The following ARHGEF10L variants were observed in gnomAD, a reference collection of about 807,000 sequenced individuals.
The protein encoded by ARHGEF10L is rho guanine nucleotide exchange factor 10-like protein.
Under a neutral mutation model 141.2 loss-of-function variants are expected in ARHGEF10L, and 69 were observed. The ratio of observed to expected loss-of-function variants is 0.49; its 90% confidence interval spans 0.40 to 0.60. The LOEUF (loss-of-function observed/expected upper bound fraction) is 0.60. Ranked by LOEUF, ARHGEF10L falls within the 20% of genes least tolerant of loss-of-function variation. The probability of loss-of-function intolerance (pLI) is 0.00; values close to 1 mark genes in which losing one functional copy is unlikely to be tolerated. For synonymous variants in ARHGEF10L, 711 were observed against 718.5 expected, an observed-to-expected ratio of 0.99 and a Z score of 0.17; for missense variants, 1,482 against 1,734.3, an observed-to-expected ratio of 0.85 and a Z score of 2.58.
chr1:17,635,082 C>A, intron 18 of ARHGEF10L, 66 bp downstream of exon 18: 2 of 1,583,312 alleles, frequency 1.3e-6, no homozygotes, highest in Non-Finnish European at 1.7e-6. Context: ...GCCTGGGCTG[C>A]TCCTACCCAG....
intron 16 of ARHGEF10L, among the ~76,000 whole-genome samples, chr1:17,633,842 G>T (rs1277126800): frequency 6.6e-6 from 1 of 152,190 alleles, no homozygotes; most frequent in Non-Finnish European, 1.5e-5. Context: ...TAGGTTTGGG[G>T]ATTTTCCATG....
At chr1:17,569,531 C>T (rs988932243) in intron 1 of ARHGEF10L, among the ~76,000 whole-genome samples, 8 of 152,174 alleles carry the variant, frequency 5.3e-5, no homozygotes, top group African/African-American at 1.7e-4. Flanking sequence ...CTTTCCTGCC[C>T]AGAGCTCCCT....
intron 21 of ARHGEF10L, among the ~76,000 whole-genome samples, chr1:17,643,556 G>A (rs1224462750): frequency 6.6e-6 from 1 of 152,172 alleles, no homozygotes; most frequent in African/African-American, 2.4e-5. Context: ...GGCAGTAAGG[G>A]GTGGTCCTCA....
At chr1:17,683,172 G>A (rs1307214566) in intron 26 of ARHGEF10L, among the ~76,000 whole-genome samples, 3 of 89,194 alleles carry the variant, frequency 3.4e-5, no homozygotes, top group Non-Finnish European at 6.6e-5. Flanking sequence ...TGCTCTCACC[G>A]TGGTGCTCAC....
rs1031580269 is a variant in ARHGEF10L at position 17,644,344 on chromosome 1, C to T, written c.2272+4042C>T. On this transcript the variant is annotated intron_variant, in intron 21 of 28. Coordinates refer to ENST00000361221, the MANE Select transcript of ARHGEF10L (RefSeq NM_018125.4). This position sits in a 1 kb window ranked among gnomAD's most constrained non-coding sequence, Gnocchi z 4.5. ...AAGTGTGTTCTAGACCTCAGCATGT[C>T]CTTGAACCCTCACTGCTGTCCCACA... Among the ~76,000 whole-genome samples, 1 of 152,252 alleles carries T rather than the reference C, an allele frequency of 6.6e-6. No individual in the cohort carries two copies. Among genetic ancestry groups the T allele is most frequent in the African/African-American group, 2.4e-5 (1 of 41,474 alleles).
chr1:17,681,367 C>A (rs1373728755), intron 26 of ARHGEF10L, among the ~76,000 whole-genome samples: 1 of 152,212 alleles, frequency 6.6e-6, no homozygotes, highest in Non-Finnish European at 1.5e-5. Context: ...CAGGTTTTCC[C>A]AGTTGTCCCC....
At chr1:17,605,758 G>A (rs2081115703) in intron 6 of ARHGEF10L, among the ~76,000 whole-genome samples, 1 of 152,162 alleles carries the variant, frequency 6.6e-6, no homozygotes, top group Admixed American at 6.5e-5. Flanking sequence ...GCGTGGACCT[G>A]CCACATGCTG....
intron 7 of ARHGEF10L, among the ~76,000 whole-genome samples, chr1:17,611,920 C>T (rs145626281): frequency 8.6e-4 from 131 of 151,978 alleles, no homozygotes; most frequent in African/African-American, 2.7e-3. Context: ...TCATATGGTT[C>T]GTGCATTTGA....
chr1:17,539,964 C>G lies in ARHGEF10L; in HGVS notation c.-44+14C>G, dbSNP rs547166629. On this transcript the variant is annotated intron_variant, in intron 1 of 28. Coordinates refer to ENST00000361221, the MANE Select transcript of ARHGEF10L (RefSeq NM_018125.4). The surrounding 1 kb of genome is among the most constrained non-coding windows in gnomAD (Gnocchi z 6.0). ...CGGGCAGCCGAGGTGGGTGAGTGAG[C>G]GCGGGGGCCCTGCCTCCGCGGGATC... 5.3e-5 allele frequency: 8 copies of G among 151,786 alleles called. No homozygotes were observed. The highest frequency in any genetic ancestry group is 1.9e-4 in the African/African-American group (8 of 41,460). The allele number at this position is 151,786 out of a possible 1,614,324, so 9.4% of individuals were successfully genotyped here. A position where few individuals can be genotyped will look rare whatever the true frequency, so the allele number is the denominator to read the frequency against.
intron 10 of ARHGEF10L, among the ~76,000 whole-genome samples, chr1:17,620,866 G>A (rs755308151): frequency 2.6e-5 from 4 of 152,210 alleles, no homozygotes; most frequent in Non-Finnish European, 5.9e-5. Context: ...AGATTTCAAA[G>A]TCCCTGGTAT....
chr1:17,531,846 C>A, the ARHGEF10L span, among the ~76,000 whole-genome samples: 1 of 152,210 alleles, frequency 6.6e-6, no homozygotes, highest in African/African-American at 2.4e-5. Flanking sequence ...TCTTAGAAAG[C>A]GTCTTTCATC....
chr1:17,514,055 C>A, the ARHGEF10L span, among the ~76,000 whole-genome samples: 1 of 150,000 alleles, frequency 6.7e-6, no homozygotes. Flanking sequence ...AACTCCTGAC[C>A]TCAGGTGATC....
chr1:17,626,179 C>A, intron 14 of ARHGEF10L, 131 bp downstream of exon 14: 1 of 683,378 alleles, frequency 1.5e-6, no homozygotes, highest in Non-Finnish European at 2.5e-6. Flanking sequence ...TGCTGTGGGA[C>A]TCTGGCCTCA....
intron 21 of ARHGEF10L, among the ~76,000 whole-genome samples, chr1:17,641,879 G>T (rs1452407455): frequency 6.6e-6 from 1 of 151,762 alleles, no homozygotes; most frequent in Non-Finnish European, 1.5e-5. Flanking sequence ...TACTCGAGAG[G>T]TTGAGGCAGG....
Position 17,600,471 on chromosome 1 carries a change from T to C in ARHGEF10L, c.258-1656T>C, listed in dbSNP as rs2080541070. On this transcript the variant is annotated intron_variant, in intron 4 of 28. Transcript: ENST00000361221. Reference sequence around the variant, plus strand: ...AATAGCTTTAGATTTTCAGAGATGTTCTGAAGAGGGAACATAGAGCTCCAC... The same window carrying C: ...AATAGCTTTAGATTTTCAGAGATGTCCTGAAGAGGGAACATAGAGCTCCAC... Among the ~76,000 whole-genome samples, 3 of 152,314 alleles carry C rather than the reference T, an allele frequency of 2.0e-5. No homozygotes were observed. In the South Asian group the frequency reaches 6.2e-4, roughly 32 times the overall value.
intron 26 of ARHGEF10L, among the ~76,000 whole-genome samples, chr1:17,687,259 C>T (rs1016484929): frequency 1.3e-5 from 2 of 152,168 alleles, no homozygotes; most frequent in Non-Finnish European, 2.9e-5. Flanking sequence ...GCATGTCTTT[C>T]CTGCTCCTCA....
At chr1:17,657,007 GC>G (rs995160585) in intron 25 of ARHGEF10L, among the ~76,000 whole-genome samples, 30 of 152,190 alleles carry the variant, frequency 2.0e-4, no homozygotes, top group African/African-American at 7.0e-4. Context: ...TTCAGGCTTT[GC>G]CCGATGACAG....
chr1:17,608,043 G>A (rs1264802039), intron 7 of ARHGEF10L, 66 bp downstream of exon 7: 1 of 1,290,992 alleles, frequency 7.7e-7, no homozygotes. Flanking sequence ...GAGGGAGGGA[G>A]GGAGGGAGCT....
At chr1:17,672,476 G>C (rs756762723) in intron 26 of ARHGEF10L, among the ~76,000 whole-genome samples, 1 of 152,198 alleles carries the variant, frequency 6.6e-6, no homozygotes, top group African/African-American at 2.4e-5. Flanking sequence ...AGCTGCCGAG[G>C]AGGAGCGCCT....
Sources: allele counts gnomAD v4.1 joint callset (sites outside exome capture counted in the v4.1 genomes callset), GRCh38; gene constraint gnomAD v4.1.1; non-coding constraint Gnocchi (gnomAD v3.1); transcripts MANE v1.5; gene names NCBI Gene and HGNC (gene_info 2026-07-23, HGNC 2026-07-21).